The following SLC35E1 variants were observed in gnomAD, a reference collection of about 807,000 sequenced individuals.
SLC35E1 encodes solute carrier family 35 member E1.
SLC35E1 carries 12 observed loss-of-function variants against 31.0 expected under a neutral mutation model. That is an observed-to-expected ratio of 0.39 (90% CI 0.25 to 0.63). The LOEUF is 0.63. Ranked by LOEUF, SLC35E1 falls within the 20% of genes least tolerant of loss-of-function variation. The pLI is 0.52. For missense variants in SLC35E1, 429 were observed against 572.2 expected (o/e 0.75, Z 2.55); for synonymous variants, 257 against 264.1 (o/e 0.97, Z 0.26).
At position 16,552,328 on chromosome 19, in the gene SLC35E1, G is replaced by A. The variant is rs906279246; in HGVS notation, c.*1351C>T. ...AACGTGTCAGACAGGCATCACCAGT[G>A]GGAACTTGGTTTTGTTTTGTTTTTT... is the stretch of plus-strand genomic sequence containing the variant. On this transcript the variant is annotated 3_prime_UTR_variant, in exon 6 of 6. Transcript: ENST00000595753. The A allele has an allele frequency of 6.6e-6, 1 of 151,814 alleles. No individual in the cohort carries two copies. The highest frequency in any genetic ancestry group is 1.9e-4 in the East Asian group (1 of 5,166). 9.4% of individuals were successfully genotyped at this position (151,814 alleles called of 1,614,324 possible). A position where few individuals can be genotyped will look rare whatever the true frequency, so the allele number is the denominator to read the frequency against.
chr19:16,558,578 C>A (rs1027797684), intron 4 of SLC35E1, among the ~76,000 whole-genome samples: 2 of 151,928 alleles, frequency 1.3e-5, no homozygotes, highest in African/African-American at 4.8e-5. Flanking sequence ...CTCAAGTGAT[C>A]CACCTGGCTC....
rs763380382 is a variant in SLC35E1 at position 16,571,541 on chromosome 19, T to C, written c.463A>G (p.Ile155Val). The part of the protein sequence containing the change: ...MPIWVVLLSR[I>V]IMKEKQSTKV... ...GTGCTCTGCTTCTCCTTCATAATGA[T>C]CCGGGACAGGAGGACCACCCAGATG... Residue 155 changes from isoleucine (I) to valine (V), a missense_variant, in exon 2 of 6, where the codon ATC becomes GTC. Transcript: ENST00000595753. 6.2e-7 allele frequency: 1 copy of C among 1,613,918 alleles called. No individual in the cohort carries two copies. The highest frequency in any genetic ancestry group is 8.5e-7 in the Non-Finnish European group (1 of 1,179,942).
intron 4 of SLC35E1, among the ~76,000 whole-genome samples, chr19:16,559,463 T>TACACACACACACACACACACACAC (rs61643316): frequency 8.2e-4 from 117 of 142,396 alleles, no homozygotes; most frequent in East Asian, 1.8e-3. Flanking sequence ...CTACAAAAAA[T>TACACACACACACACACACACACAC]ACACACACAC....
Position 16,555,587 on chromosome 19 carries a change from A to G in SLC35E1, c.757-190T>C. 1 of 669,032 alleles carries G rather than the reference A, an allele frequency of 1.5e-6. No homozygotes were observed. Among genetic ancestry groups the G allele is most frequent in the South Asian group, 2.0e-5 (1 of 50,936 alleles). 41.4% of individuals were successfully genotyped at this position (669,032 alleles called of 1,614,324 possible). On this transcript the variant is annotated intron_variant, in intron 4 of 5. Transcript: ENST00000595753. The surrounding 1 kb of genome is among the most constrained non-coding windows in gnomAD (Gnocchi z 4.1). Reference sequence around the variant, plus strand: ...TTTAGGTCCATGACCTCAGAACCTCATGACACCACACAGCATGGGAATCAC... The same window carrying G: ...TTTAGGTCCATGACCTCAGAACCTCGTGACACCACACAGCATGGGAATCAC...
rs2085842714 is a variant in SLC35E1 at position 16,551,051 on chromosome 19, T to C, written c.*2628A>G. On this transcript the variant is annotated 3_prime_UTR_variant, in exon 6 of 6. Transcript: ENST00000595753. ...AATATGTTCAAAGAATCAGGTACTA[T>C]ATATAATCATATAGACAACTCCCGT... The C allele has an allele frequency of 6.6e-6, 1 of 152,184 alleles. No homozygotes were observed. Among genetic ancestry groups the C allele is most frequent in the Admixed American group, 6.5e-5 (1 of 15,272 alleles). 9.4% of individuals were successfully genotyped at this position (152,184 alleles called of 1,614,324 possible). A position where few individuals can be genotyped will look rare whatever the true frequency, so the allele number is the denominator to read the frequency against.
At chr19:16,560,258 G>A (rs1599318137) in intron 4 of SLC35E1, among the ~76,000 whole-genome samples, 1 of 152,290 alleles carries the variant, frequency 6.6e-6, no homozygotes, top group East Asian at 1.9e-4. Context: ...AATCTCCTGA[G>A]TACTTTCTAG....
At chr19:16,565,874 C>T (rs577409952) in intron 4 of SLC35E1, 2 of 125,338 alleles carry the variant, frequency 1.6e-5, no homozygotes, top group Non-Finnish European at 1.6e-5. Context: ...CCAGGGCTGG[C>T]AAGGCACAGT....
chr19:16,562,991 T>C (rs1322164882), intron 4 of SLC35E1, among the ~76,000 whole-genome samples: 1 of 152,198 alleles, frequency 6.6e-6, no homozygotes, highest in Non-Finnish European at 1.5e-5. Context: ...TGGGATTACA[T>C]GTGTGAGGCA....
rs901860363 is a variant in SLC35E1 at position 16,553,782 on chromosome 19, T to G, written c.1130A>C (p.His377Pro). 3.1e-6 allele frequency: 5 copies of G among 1,613,762 alleles called. No individual in the cohort carries two copies. The highest frequency in any genetic ancestry group is 4.2e-6 in the Non-Finnish European group (5 of 1,179,878). The change falls in exon 6 of 6, where the codon CAC becomes CCC. Residue 377 changes from histidine (H) to proline (P), a missense_variant. His to Pro is a moderately conservative substitution (Grantham distance 77, BLOSUM62 -2). Coordinates refer to ENST00000595753, the MANE Select transcript of SLC35E1 (RefSeq NM_024881.5). ...KPHNGLLFPQHGDYQYGRNNI... is the reference protein window; with the variant it reads ...KPHNGLLFPQPGDYQYGRNNI... Reference sequence around the variant, plus strand: ...GTTGCGGCCGTACTGATAGTCCCCGTGCTGGGGGAAGAGGAGGCCGTTGTG... The same window carrying G: ...GTTGCGGCCGTACTGATAGTCCCCGGGCTGGGGGAAGAGGAGGCCGTTGTG...
intron 4 of SLC35E1, chr19:16,565,184 G>C: frequency 2.2e-6 from 1 of 452,242 alleles, no homozygotes; most frequent in South Asian, 1.6e-5. Flanking sequence ...AGAGACCAGG[G>C]AGGAACTGAG....
chr19:16,559,548 G>A (rs2085894284), intron 4 of SLC35E1, among the ~76,000 whole-genome samples: 1 of 151,710 alleles, frequency 6.6e-6, no homozygotes, highest in Non-Finnish European at 1.5e-5. Flanking sequence ...AGCTACTCAA[G>A]AGGTTGAGGT....
chr19:16,568,624 G>A lies in SLC35E1; in HGVS notation c.493-455C>T, dbSNP rs58705436. 3.1e-3 allele frequency among the ~76,000 whole-genome samples: 472 copies of A among 152,108 alleles called. 3 individuals are homozygous for A. Among genetic ancestry groups the A allele is most frequent in the African/African-American group, 0.011 (462 of 41,498 alleles). On this transcript the variant is annotated intron_variant, in intron 2 of 5. Transcript: ENST00000595753. ...TGGCTCACTGCAACCTCTGCTTCCC[G>A]GGTTCAAGCGATTCTCCTGCCTCAG...
At chr19:16,558,268 T>G (rs2085886158) in intron 4 of SLC35E1, among the ~76,000 whole-genome samples, 1 of 152,162 alleles carries the variant, frequency 6.6e-6, no homozygotes, top group African/African-American at 2.4e-5. Context: ...GGTCTCGAAC[T>G]CCTGACCTCA....
In SLC35E1 at chr19:16,553,209, G is replaced by C. The variant is rs1459253132; in HGVS notation, c.*470C>G. ...TTGGTCCTATGCGTATCTGCGCCAG[G>C]GAATTAAACTAGCCAGTCTGACGTT... On this transcript the variant is annotated 3_prime_UTR_variant, in exon 6 of 6. Coordinates refer to ENST00000595753, the MANE Select transcript of SLC35E1 (RefSeq NM_024881.5). The C allele has an allele frequency of 6.6e-6, 1 of 152,472 alleles. No individual in the cohort carries two copies. The highest frequency in any genetic ancestry group is 6.6e-5 in the Admixed American group (1 of 15,242). 9.4% of individuals were successfully genotyped at this position (152,472 alleles called of 1,614,324 possible). A position where few individuals can be genotyped will look rare whatever the true frequency, so the allele number is the denominator to read the frequency against.
rs2085840737 is a variant in SLC35E1 at position 16,550,658 on chromosome 19, G to C, written c.*3021C>G. ...GAGGCACGAGAATCACCTGAACCCG[G>C]GGGATGGAGGTTGTAGTGAGCTGAG... is the stretch of plus-strand genomic sequence containing the variant. On this transcript the variant is annotated 3_prime_UTR_variant, in exon 6 of 6. Transcript: ENST00000595753. The C allele has an allele frequency of 6.6e-6, 1 of 152,308 alleles. No individual in the cohort carries two copies. Among genetic ancestry groups the C allele is most frequent in the African/African-American group, 2.4e-5 (1 of 41,448 alleles). 9.4% of individuals were successfully genotyped at this position (152,308 alleles called of 1,614,324 possible). A position where few individuals can be genotyped will look rare whatever the true frequency, so the allele number is the denominator to read the frequency against.
At chr19:16,556,991 GC>G in intron 4 of SLC35E1, 1 of 471,120 alleles carries the variant, frequency 2.1e-6, no homozygotes, top group East Asian at 6.9e-5. Flanking sequence ...ATATATATGA[GC>G]CCACCAGGAT....
chr19:16,571,789 C>T (rs1390731432), intron 1 of SLC35E1, among the ~76,000 whole-genome samples, 155 bp downstream of exon 1: 1 of 152,208 alleles, frequency 6.6e-6, no homozygotes, highest in Non-Finnish European at 1.5e-5. Flanking sequence ...CCCTGAGAAC[C>T]CCGTGCGTGT....
chr19:16,553,684 C>A lies in SLC35E1; in HGVS notation c.1228G>T (p.Val410Leu), dbSNP rs780249386. Residue 410 changes from valine to leucine, a missense_variant, in exon 6 of 6, where the codon GTG (valine) becomes TTG (leucine). Val to Leu is a conservative substitution (Grantham distance 32). Coordinates refer to ENST00000595753, the MANE Select transcript of SLC35E1 (RefSeq NM_024881.5). ...PNSYSLNRYD[V>L] Reference sequence around the variant, plus strand: ...CTGGTCCTGTCCTTTGGACTCTACACATCATAGCGGTTCAAACTGTACGAG... The same window carrying A: ...CTGGTCCTGTCCTTTGGACTCTACAAATCATAGCGGTTCAAACTGTACGAG... 4 of 1,556,038 alleles carry A rather than the reference C, an allele frequency of 2.6e-6. No homozygotes were observed. Among genetic ancestry groups the A allele is most frequent in the Non-Finnish European group, 2.6e-6 (3 of 1,145,646 alleles).
chr19:16,554,820 G>GAAA (rs59402960), intron 5 of SLC35E1, among the ~76,000 whole-genome samples: 8 of 60,180 alleles, frequency 1.3e-4, no homozygotes, highest in East Asian at 4.2e-4. Flanking sequence ...ACTCCATCTC[G>GAAA]AAAAAAAAAA....
Sources: gnomAD v4.1 joint callset for allele counts (sites outside exome capture counted in the v4.1 genomes callset) on GRCh38, gnomAD v4.1.1 for gene constraint, Gnocchi (gnomAD v3.1) non-coding constraint, MANE v1.5 for transcripts, NCBI Gene and HGNC (gene_info 2026-07-23, HGNC 2026-07-21) for gene names.